Variants in ADGRL4 observed in about 807,000 individuals in gnomAD.
The protein encoded by ADGRL4 is EGF, latrophilin and seven transmembrane domain containing 1.
ADGRL4 carries 90 observed loss-of-function variants against 74.8 expected under a neutral mutation model. The ratio of observed to expected loss-of-function variants is 1.20; its 90% CI spans 1.02 to 1.43. ADGRL4 has a LOEUF of 1.43. Ranked by LOEUF, ADGRL4 falls within the 40% of genes most tolerant of loss-of-function variation. The pLI is 0.00. For missense variants in ADGRL4, 881 were observed against 814.3 expected, an observed-to-expected ratio of 1.08 and a Z score of -1.00; for synonymous variants, 311 against 279.2, an observed-to-expected ratio of 1.11 and a Z score of -1.14.
At chr1:78,910,455 T>G (rs1183565060) in intron 12 of ADGRL4, among the ~76,000 whole-genome samples, 1 of 151,844 alleles carries the variant, frequency 6.6e-6, no homozygotes, top group Non-Finnish European at 1.5e-5. Flanking sequence ...TAAATTCAAA[T>G]GAAACCTCAC....
At chr1:78,917,528 A>G (rs1345004499) in intron 12 of ADGRL4, 106 bp downstream of exon 12, 4 of 641,108 alleles carry the variant, frequency 6.2e-6, no homozygotes, top group African/African-American at 3.7e-5. Context: ...ATACTGTAAA[A>G]TATTCAAATT....
chr1:78,889,802 G>T lies in ADGRL4; in HGVS notation c.*1352C>A. On this transcript the variant is annotated 3_prime_UTR_variant, in exon 15 of 15. Transcript: ENST00000370742. ...CATTTTATTTGTTAGAGCAAGATTT[G>T]GCAGACTTCATTTCAACAGCTGGAG... 2.2e-6 allele frequency: 1 copy of T among 457,064 alleles called. No individual in the cohort carries two copies. The highest frequency in any genetic ancestry group is 2.5e-5 in the Admixed American group (1 of 40,540). The allele number at this position is 457,064 out of a possible 1,614,324, so 28.3% of individuals were successfully genotyped here. A position where few individuals can be genotyped will look rare whatever the true frequency, so the allele number is the denominator to read the frequency against.
chr1:78,940,288 T>G (rs1649449085), intron 3 of ADGRL4, among the ~76,000 whole-genome samples: 1 of 152,132 alleles, frequency 6.6e-6, no homozygotes, highest in Non-Finnish European at 1.5e-5. Flanking sequence ...GCAGAACGTG[T>G]GATTGAATTC....
intron 3 of ADGRL4, among the ~76,000 whole-genome samples, chr1:78,944,974 G>A (rs1482768366): frequency 1.3e-5 from 2 of 151,846 alleles, no homozygotes; most frequent in Non-Finnish European, 2.9e-5. Context: ...AGACCAGCCT[G>A]GGCAACACGG....
chr1:78,942,545 A>G (rs745429939), intron 3 of ADGRL4, among the ~76,000 whole-genome samples: 5 of 152,186 alleles, frequency 3.3e-5, no homozygotes, highest in Non-Finnish European at 7.3e-5. Flanking sequence ...TGATTGACCC[A>G]CTTTCCTCAC....
intron 2 of ADGRL4, among the ~76,000 whole-genome samples, chr1:78,957,692 A>G (rs1649864086): frequency 6.6e-6 from 1 of 152,198 alleles, no homozygotes; most frequent in Non-Finnish European, 1.5e-5. Context: ...TAAAAGTGCA[A>G]GAGGAGGCAG....
chr1:78,996,690 T>G (rs1237574699), intron 2 of ADGRL4, among the ~76,000 whole-genome samples: 1 of 152,212 alleles, frequency 6.6e-6, no homozygotes, highest in Non-Finnish European at 1.5e-5. Context: ...CTCAGTTTTG[T>G]TCTCTTATTT....
At chr1:79,001,787 T>G (rs996278206) in intron 2 of ADGRL4, among the ~76,000 whole-genome samples, 1 of 152,164 alleles carries the variant, frequency 6.6e-6, no homozygotes, top group South Asian at 2.1e-4. Flanking sequence ...GGGGATACGA[T>G]AAATATTGTA....
In ADGRL4 at chr1:78,890,652, A is replaced by G. The variant is rs1304798424; in HGVS notation, c.*502T>C. 6.6e-6 allele frequency: 1 copy of G among 152,478 alleles called. No individual in the cohort carries two copies. Among genetic ancestry groups the G allele is most frequent in the Admixed American group, 6.5e-5 (1 of 15,274 alleles). The allele number at this position is 152,478 out of a possible 1,614,324, so 9.4% of individuals were successfully genotyped here. On this transcript the variant is annotated 3_prime_UTR_variant, in exon 15 of 15. Coordinates refer to ENST00000370742, the MANE Select transcript of ADGRL4 (RefSeq NM_022159.4). ...GTCAACAATTTCTCAGCTAGTCTAC[A>G]GAAAAAACAGTTCATTCAAAATACA... is the stretch of plus-strand genomic sequence containing the variant.
chr1:78,920,432 G>A (rs966708658), intron 9 of ADGRL4, 46 bp from the exon 10 acceptor site: 16 of 1,209,000 alleles, frequency 1.3e-5, no homozygotes, highest in Non-Finnish European at 1.8e-5. Flanking sequence ...AACTCACTAA[G>A]TTGTCAAAGG....
At chr1:78,903,365 C>G (rs989176142) in intron 12 of ADGRL4, among the ~76,000 whole-genome samples, 1 of 152,126 alleles carries the variant, frequency 6.6e-6, no homozygotes, top group East Asian at 1.9e-4. Context: ...AAGAAAATGA[C>G]AAACTGACAT....
At position 78,918,026 on chromosome 1, in the gene ADGRL4, G is replaced by T. The variant is rs867979983; in HGVS notation, c.1486C>A (p.Leu496Met). 2 of 1,609,894 alleles carry T rather than the reference G, an allele frequency of 1.2e-6. No individual in the cohort carries two copies. The highest frequency in any genetic ancestry group is 2.7e-5 in the African/African-American group (2 of 74,392). The change falls in exon 11 of 15, where the codon CTG becomes ATG. Residue 496 changes from leucine (L) to methionine (M), a missense_variant. Leu to Met is a conservative substitution (Grantham distance 15, BLOSUM62 2). Coordinates refer to ENST00000370742, the MANE Select transcript of ADGRL4 (RefSeq NM_022159.4). ...NKLFCSIIAG[L>M]LHYFFLAAFA... ...GCAGCTAAAAAGAAGTAGTGTAGCA[G>T]TCCGGCAATGATTGAACAGAAGAGC...
Position 79,005,135 on chromosome 1 carries a change from C to T in ADGRL4, c.107G>A (p.Arg36His), listed in dbSNP as rs762428327. The T allele has an allele frequency of 8.0e-5, 129 of 1,613,256 alleles. No individual in the cohort carries two copies. The highest frequency in any genetic ancestry group is 6.6e-4 in the South Asian group (60 of 91,018). ...GCAATAGCAGGCTTCAATTCCATTG[C>T]GTATTTCACATTTTGCATTTGGGAG... The part of the protein sequence containing the change: ...PCLPNAKCEI[R>H]NGIEACYCNM... Residue 36 changes from arginine (R) to histidine (H), a missense_variant, in exon 2 of 15, where the codon CGC (arginine) becomes CAC (histidine). Transcript: ENST00000370742.
chr1:78,910,316 G>A (rs976661240), intron 12 of ADGRL4, among the ~76,000 whole-genome samples: 6 of 151,760 alleles, frequency 4.0e-5, no homozygotes. Context: ...TGGTGAAAGG[G>A]AATTAGATTG....
chr1:78,934,338 C>G (rs1354382523), intron 7 of ADGRL4, among the ~76,000 whole-genome samples: 1 of 152,160 alleles, frequency 6.6e-6, no homozygotes. Context: ...GCTGGTAAAA[C>G]TGGCTAGCCA....
At chr1:78,928,422 C>A (rs943546537) in intron 7 of ADGRL4, among the ~76,000 whole-genome samples, 6 of 151,236 alleles carry the variant, frequency 4.0e-5, no homozygotes, top group African/African-American at 1.5e-4. Flanking sequence ...CTTAACAAAC[C>A]TGTACTTTTA....
At chr1:79,001,258 G>A (rs1056869522) in intron 2 of ADGRL4, among the ~76,000 whole-genome samples, 4 of 151,026 alleles carry the variant, frequency 2.6e-5, no homozygotes, top group Admixed American at 2.6e-4. Flanking sequence ...AGGAAGGTAT[G>A]AATGAATTAT....
intron 12 of ADGRL4, among the ~76,000 whole-genome samples, chr1:78,916,527 T>C (rs1448679136): frequency 6.6e-6 from 1 of 151,966 alleles, no homozygotes; most frequent in African/African-American, 2.4e-5. Flanking sequence ...GTTTTTCTTT[T>C]ATAAAATATT....
intron 2 of ADGRL4, among the ~76,000 whole-genome samples, chr1:78,955,889 G>T (rs2100703437): frequency 6.6e-6 from 1 of 151,964 alleles, no homozygotes; most frequent in Non-Finnish European, 1.5e-5. Flanking sequence ...AAATATTTTG[G>T]AAAAAAACTA....
Sources: allele counts gnomAD v4.1 joint callset (sites outside exome capture counted in the v4.1 genomes callset), GRCh38; gene constraint gnomAD v4.1.1; transcripts MANE v1.5; gene names NCBI Gene and HGNC (gene_info 2026-07-23, HGNC 2026-07-21).